PRLR: variants seen among roughly 807,000 people sequenced by gnomAD.
The protein encoded by PRLR is prolactin receptor.
PRLR carries 13 observed loss-of-function variants against 40.2 expected under a neutral mutation model. That is an observed-to-expected ratio of 0.32 (90% CI 0.21 to 0.51). The LOEUF is 0.51. PRLR is among the 20% of genes least tolerant of loss of function. PRLR has a pLI of 0.97. For synonymous variants in PRLR, 269 were observed against 278.7 expected (o/e 0.97, Z 0.35); for missense variants, 656 against 747.3 (o/e 0.88, Z 1.42).
intron 1 of PRLR, among the ~76,000 whole-genome samples, chr5:35,198,515 C>T (rs1775796816): frequency 6.6e-6 from 1 of 152,112 alleles, no homozygotes; most frequent in Admixed American, 6.5e-5. Flanking sequence ...CTTCTCTTTG[C>T]CTCTCTCTTT....
At chr5:35,123,187 G>A (rs1309219401) in intron 1 of PRLR, among the ~76,000 whole-genome samples, 2 of 152,178 alleles carry the variant, frequency 1.3e-5, no homozygotes, top group Admixed American at 1.3e-4. Flanking sequence ...TTAGTGGATT[G>A]TAAAGTGATT....
chr5:35,091,749 A>G (rs1011384066), intron 2 of PRLR, among the ~76,000 whole-genome samples: 4 of 152,218 alleles, frequency 2.6e-5, no homozygotes, highest in African/African-American at 4.8e-5. Context: ...ACGCCCAAGG[A>G]CCTTAAATAC....
chr5:35,049,567 G>T (rs567164020), intron 8 of PRLR, among the ~76,000 whole-genome samples: 1 of 152,236 alleles, frequency 6.6e-6, no homozygotes, highest in African/African-American at 2.4e-5. Flanking sequence ...GCATAAAGAA[G>T]AAAGAAAAAG....
At chr5:35,088,035 A>T (rs1037266158) in intron 3 of PRLR, among the ~76,000 whole-genome samples, 3 of 152,242 alleles carry the variant, frequency 2.0e-5, no homozygotes, top group Non-Finnish European at 1.5e-5. Context: ...GCACCAGAGC[A>T]GAAACAGCAG....
rs1163717870 is a variant in PRLR, at chr5:35,057,964, C to A, written c.*7125G>T. 6.6e-6 allele frequency: 1 copy of A among 151,924 alleles called. No homozygotes were observed. Among genetic ancestry groups the A allele is most frequent in the African/African-American group, 2.4e-5 (1 of 41,364 alleles). The allele number at this position is 151,924 out of a possible 1,614,324, so 9.4% of individuals were successfully genotyped here. A position where few individuals can be genotyped will look rare whatever the true frequency, so the allele number is the denominator to read the frequency against. ...ATGGCTTTGGACAACTATGAGGTGA[C>A]TTATAGTTAGGAAAAAATCTGCACT... On this transcript the variant is annotated 3_prime_UTR_variant, in exon 10 of 10. Coordinates refer to ENST00000618457, the MANE Select transcript of PRLR (RefSeq NM_000949.7).
rs138958092 is a variant in PRLR, at chr5:35,151,671, C to T, written c.-105-33549G>A. Among the ~76,000 whole-genome samples, 5 of 152,238 alleles carry T rather than the reference C, an allele frequency of 3.3e-5. No homozygotes were observed. The East Asian group carries it at 5.8e-4, about 18-fold the overall frequency. On this transcript the variant is annotated intron_variant, in intron 1 of 9. Coordinates refer to ENST00000618457, the MANE Select transcript of PRLR (RefSeq NM_000949.7). ...CTCTCAGAATCCAGCCACCATAGAG[C>T]CAAGGCTCCTGAGAGGGTTCATGTA...
intron 1 of PRLR, among the ~76,000 whole-genome samples, chr5:35,119,220 C>T (rs1483455004): frequency 2.0e-5 from 3 of 152,112 alleles, no homozygotes; most frequent in Non-Finnish European, 4.4e-5. Context: ...CAAAATAATG[C>T]TTTTTCTAAG....
chr5:35,196,702 G>T (rs955884349), intron 1 of PRLR, among the ~76,000 whole-genome samples: 2 of 152,216 alleles, frequency 1.3e-5, no homozygotes, highest in African/African-American at 2.4e-5. Context: ...TTGCAAACTG[G>T]GCTAGGTGAA....
intron 1 of PRLR, among the ~76,000 whole-genome samples, chr5:35,155,650 A>G (rs1774472176): frequency 6.6e-6 from 1 of 152,168 alleles, no homozygotes; most frequent in African/African-American, 2.4e-5. Flanking sequence ...CATCACCTTT[A>G]AGACATAGAA....
Position 35,098,543 on chromosome 5 carries a change from T to C in PRLR, c.-43-8880A>G, listed in dbSNP as rs967185855. ...AAGTTTTGCAAGACTTCAAACAAGATTATTTTTTCACAGATGGAGCTCTGT... is the reference window on the plus strand; with the variant it reads ...AAGTTTTGCAAGACTTCAAACAAGACTATTTTTTCACAGATGGAGCTCTGT... On this transcript the variant is annotated intron_variant, in intron 2 of 9. Coordinates refer to ENST00000618457, the MANE Select transcript of PRLR (RefSeq NM_000949.7). Among the ~76,000 whole-genome samples, 4 of 152,200 alleles carry C rather than the reference T, an allele frequency of 2.6e-5. No homozygotes were observed. In the South Asian group the frequency reaches 6.2e-4, roughly 24 times the overall value.
chr5:35,137,207 G>C (rs1455295266), intron 1 of PRLR, among the ~76,000 whole-genome samples: 1 of 152,132 alleles, frequency 6.6e-6, no homozygotes, highest in Non-Finnish European at 1.5e-5. Context: ...AGAAAACAAG[G>C]CTTGGAGAAG....
At chr5:35,201,157 C>G (rs1243016659) in intron 1 of PRLR, among the ~76,000 whole-genome samples, 1 of 152,116 alleles carries the variant, frequency 6.6e-6, no homozygotes, top group Non-Finnish European at 1.5e-5. Context: ...AGATTAGAAG[C>G]AATAATGCAT....
intron 1 of PRLR, among the ~76,000 whole-genome samples, chr5:35,127,107 T>C (rs1429066094): frequency 6.6e-6 from 1 of 152,208 alleles, no homozygotes; most frequent in Non-Finnish European, 1.5e-5. Context: ...CTCTTTTTCA[T>C]GCCTTCTCAT....
At chr5:35,229,163 CTT>C (rs1414478720) in intron 1 of PRLR, among the ~76,000 whole-genome samples, 2 of 149,368 alleles carry the variant, frequency 1.3e-5, no homozygotes, top group Non-Finnish European at 3.0e-5. Context: ...ATTCCCTAAA[CTT>C]TGCAGAAAAA....
rs1365334373 is a variant in PRLR at position 35,062,564 on chromosome 5, T to A, written c.*2525A>T. On this transcript the variant is annotated 3_prime_UTR_variant, in exon 10 of 10. Transcript: ENST00000618457. Reference sequence around the variant, plus strand: ...TAGGGATTTAATTCAAGTCCTTAGCTGTCACATTTTTTCATACGTATTATA... The same window carrying A: ...TAGGGATTTAATTCAAGTCCTTAGCAGTCACATTTTTTCATACGTATTATA... 1 of 151,830 alleles carries A rather than the reference T, an allele frequency of 6.6e-6. No individual in the cohort carries two copies. Among genetic ancestry groups the A allele is most frequent in the African/African-American group, 2.4e-5 (1 of 41,442 alleles). 9.4% of individuals were successfully genotyped at this position (151,830 alleles called of 1,614,324 possible).
intron 2 of PRLR, 116 bp from the exon 3 acceptor site, chr5:35,089,779 A>G (rs569844428): frequency 1.2e-4 from 75 of 635,478 alleles, no homozygotes; most frequent in South Asian, 8.9e-4. Flanking sequence ...GTGAATGACA[A>G]AATAGGAGGA....
intron 1 of PRLR, among the ~76,000 whole-genome samples, chr5:35,144,261 G>A (rs1270973769): frequency 6.6e-6 from 1 of 151,934 alleles, no homozygotes; most frequent in African/African-American, 2.4e-5. Context: ...ATTTGTAAAT[G>A]AACAAATGAA....
chr5:35,167,080 G>A (rs1774854154), intron 1 of PRLR, among the ~76,000 whole-genome samples: 3 of 152,072 alleles, frequency 2.0e-5, no homozygotes, highest in South Asian at 2.1e-4. Context: ...TAGCTAAAAT[G>A]GAGTAGCTTA....
intron 2 of PRLR, among the ~76,000 whole-genome samples, chr5:35,102,216 T>G (rs1369071177): frequency 3.9e-5 from 6 of 152,082 alleles, no homozygotes; most frequent in African/African-American, 1.2e-4. Flanking sequence ...ACTGGGGTCA[T>G]TTATGAACAT....
Sources: gnomAD v4.1 joint callset for allele counts (sites outside exome capture counted in the v4.1 genomes callset) on GRCh38, gnomAD v4.1.1 for gene constraint, MANE v1.5 for transcripts, NCBI Gene and HGNC (gene_info 2026-07-23, HGNC 2026-07-21) for gene names.